The following ZNF765 variants were observed in gnomAD, a reference collection of about 807,000 sequenced individuals.
ZNF765 encodes zinc finger protein 765.
ZNF765 carries 37 observed loss-of-function variants against 44.7 expected under a neutral mutation model. That is an observed-to-expected ratio of 0.83 (90% CI 0.64 to 1.09). The LOEUF is 1.09. ZNF765 is among the 50% of genes least tolerant of loss of function. The probability of loss-of-function intolerance (pLI) is 0.00; values close to 1 mark genes in which losing one functional copy is unlikely to be tolerated. For synonymous variants in ZNF765, 201 were observed against 213.7 expected (o/e 0.94, Z 0.52); for missense variants, 594 against 626.1 (o/e 0.95, Z 0.55).
At chr19:53,419,541 G>C (rs981566352) in intron 3 of ZNF765, among the ~76,000 whole-genome samples, 2 of 152,178 alleles carry the variant, frequency 1.3e-5, no homozygotes, top group African/African-American at 2.4e-5. Context: ...TGTCAGTCTT[G>C]AATTGTAATG....
At chr19:53,404,620 T>G (rs2085758168) in intron 3 of ZNF765, among the ~76,000 whole-genome samples, 1 of 146,106 alleles carries the variant, frequency 6.8e-6, no homozygotes, top group Admixed American at 6.7e-5. Flanking sequence ...ACCTGGCTAA[T>G]GTGTGTGTGT....
chr19:53,407,561 C>T (rs562095062), intron 3 of ZNF765, 137 bp from the exon 4 acceptor site: 148 of 557,198 alleles, frequency 2.7e-4, no homozygotes, highest in Admixed American at 1.9e-3. Flanking sequence ...GAATCTTATG[C>T]TTTTCTGTTC....
In ZNF765 at chr19:53,408,465, T is replaced by C; in HGVS notation, c.910T>C (p.Cys304Arg). Reference protein sequence around the residue: ...TGEKPYKCEECDKAFHFKSKL... With the variant: ...TGEKPYKCEERDKAFHFKSKL... ...AGAGAAACCTTACAAATGTGAAGAATGTGACAAAGCTTTCCATTTCAAATC... is the reference window on the plus strand; with the variant it reads ...AGAGAAACCTTACAAATGTGAAGAACGTGACAAAGCTTTCCATTTCAAATC... The change falls in exon 4 of 4, where the codon TGT becomes CGT. Residue 304 changes from cysteine to arginine, a missense_variant. This residue lies in a region of ZNF765 where 567 missense variants were observed against 572.6 expected (regional missense o/e 0.99). Transcript: ENST00000396408. 6.2e-7 allele frequency: 1 copy of C among 1,613,772 alleles called. No homozygotes were observed. Among genetic ancestry groups the C allele is most frequent in the African/African-American group, 1.3e-5 (1 of 74,988 alleles).
At chr19:53,420,701 T>A (rs1600068002) in intron 3 of ZNF765, among the ~76,000 whole-genome samples, 2 of 152,178 alleles carry the variant, frequency 1.3e-5, no homozygotes, top group East Asian at 3.9e-4. Flanking sequence ...CTGTGTTGAC[T>A]CAAGGTTTAA....
Position 53,408,580 on chromosome 19 carries a change from T to A in ZNF765, c.1025T>A (p.Leu342His), listed in dbSNP as rs1381316786. ...CGKTFSQKSYLTCHRRLHTGE... is the reference protein window; with the variant it reads ...CGKTFSQKSYHTCHRRLHTGE... ...AAGACCTTTAGTCAGAAGTCGTACCTTACATGCCATCGTAGGCTTCATACT... is the reference window on the plus strand; with the variant it reads ...AAGACCTTTAGTCAGAAGTCGTACCATACATGCCATCGTAGGCTTCATACT... Residue 342 changes from leucine to histidine, a missense_variant, in exon 4 of 4, where the codon CTT becomes CAT. Around this residue, in one of 2 missense-constraint regions of ZNF765, gnomAD observed 567 missense variants for 572.6 expected, o/e 0.99. Coordinates refer to ENST00000396408, the MANE Select transcript of ZNF765 (RefSeq NM_001040185.3). The A allele has an allele frequency of 1.2e-6, 2 of 1,613,858 alleles. No homozygotes were observed. Among genetic ancestry groups the A allele is most frequent in the Non-Finnish European group, 1.7e-6 (2 of 1,179,852 alleles).
downstream of ZNF765, among the ~76,000 whole-genome samples, chr19:53,414,251 A>AAAAAAAC (rs1224243369): frequency 6.7e-6 from 1 of 150,108 alleles, no homozygotes; most frequent in African/African-American, 2.4e-5. Flanking sequence ...AAAAAAAAAA[A>AAAAAAAC]AAAGAAACTT....
downstream of ZNF765, among the ~76,000 whole-genome samples, chr19:53,413,930 C>CAAAAAA (rs386389261): frequency 5.1e-3 from 403 of 79,732 alleles, 25 homozygotes; most frequent in South Asian, 9.0e-3. Context: ...GCTAGAAAGA[C>CAAAAAA]AAAAAAAAAA....
At chr19:53,402,249 T>A (rs1480395618) in intron 3 of ZNF765, 58 bp downstream of exon 3, 1 of 20,204 alleles carries the variant, frequency 4.9e-5, no homozygotes, top group Non-Finnish European at 1.0e-4. Flanking sequence ...TTTTCTCTCC[T>A]TTTTTTTTTT....
chr19:53,403,117 T>C (rs2085743962), intron 3 of ZNF765, among the ~76,000 whole-genome samples: 1 of 151,232 alleles, frequency 6.6e-6, no homozygotes, highest in Admixed American at 6.6e-5. Flanking sequence ...GAGCCAAGAT[T>C]GCCACTGCAC....
Position 53,411,074 on chromosome 19 carries a change from G to A in ZNF765, c.*1947G>A, listed in dbSNP as rs934266027. On this transcript the variant is annotated 3_prime_UTR_variant, in exon 4 of 4. Transcript: ENST00000396408. ...ACTAGAGTCAGTTCAGCATTGACTT[G>A]AGTTTGACTTAACATTGAGTTGAAG... 1 of 269,350 alleles carries A rather than the reference G, an allele frequency of 3.7e-6. No individual in the cohort carries two copies. Among genetic ancestry groups the A allele is most frequent in the African/African-American group, 2.3e-5 (1 of 44,064 alleles). 16.7% of individuals were successfully genotyped at this position (269,350 alleles called of 1,614,324 possible).
chr19:53,424,531 A>G (rs913764459), exon 4 of ZNF765: 3 of 152,120 alleles, frequency 2.0e-5, no homozygotes, highest in Non-Finnish European at 4.4e-5. Context: ...GCTGAGACAG[A>G]TATGACTTTG....
intron 3 of ZNF765, among the ~76,000 whole-genome samples, chr19:53,421,555 C>T (rs985419276): frequency 6.6e-6 from 1 of 152,094 alleles, no homozygotes; most frequent in East Asian, 1.9e-4. Context: ...ACTCTTGTTA[C>T]CCGGGCTGGA....
intron 2 of ZNF765, among the ~76,000 whole-genome samples, chr19:53,401,270 T>C (rs1285125841): frequency 6.6e-6 from 1 of 152,080 alleles, no homozygotes; most frequent in Non-Finnish European, 1.5e-5. Context: ...GGTGTGTCAA[T>C]AAATGTTTCT....
chr19:53,421,300 T>C (rs1285822869), intron 3 of ZNF765, among the ~76,000 whole-genome samples: 1 of 152,118 alleles, frequency 6.6e-6, no homozygotes, highest in Non-Finnish European at 1.5e-5. Context: ...ATGGTAGAGA[T>C]AGTGATCAAC....
chr19:53,397,732 C>T (rs1246109692), intron 1 of ZNF765, among the ~76,000 whole-genome samples: 2 of 151,886 alleles, frequency 1.3e-5, no homozygotes, highest in Non-Finnish European at 2.9e-5. Flanking sequence ...GGGAGCTCAT[C>T]CCACCCCAGC....
intron 3 of ZNF765, among the ~76,000 whole-genome samples, chr19:53,417,930 C>T (rs145290696): frequency 0.014 from 2,095 of 152,130 alleles, 22 homozygotes; most frequent in Non-Finnish European, 0.023. Flanking sequence ...GCGTTCAGTC[C>T]CTGATGTACC....
At chr19:53,417,186 C>T (rs774814323) in intron 3 of ZNF765, among the ~76,000 whole-genome samples, 2 of 152,142 alleles carry the variant, frequency 1.3e-5, no homozygotes, top group African/African-American at 4.8e-5. Flanking sequence ...CATAGGTAAA[C>T]GTGTGTCATG....
chr19:53,409,121 C>T lies in ZNF765; in HGVS notation c.1566C>T (p.His522=), dbSNP rs146474834. 38 of 1,605,846 alleles carry T rather than the reference C, an allele frequency of 2.4e-5. No individual in the cohort carries two copies. In the East Asian group the frequency reaches 2.9e-4, roughly 12 times the overall value. Residue 522 remains histidine, a synonymous_variant, in exon 4 of 4, where the codon CAC becomes CAT. Coordinates refer to ENST00000396408, the MANE Select transcript of ZNF765 (RefSeq NM_001040185.3). ...GAATTTATACTGGAGAGAAACTACA[C>T]GTGTAATGAGTGTGGTAAGACCTTC... ...HRRIYTGEKL[H]V is the part of the protein sequence containing the mutation.
At chr19:53,413,608 T>G (rs1488157233), downstream of ZNF765, among the ~76,000 whole-genome samples, 1 of 150,732 alleles carries the variant, frequency 6.6e-6, no homozygotes, top group Non-Finnish European at 1.5e-5. Flanking sequence ...AGGTTTTTTT[T>G]TTTTTTTTTT....
Sources: gnomAD v4.1 joint callset for allele counts (sites outside exome capture counted in the v4.1 genomes callset) on GRCh38, gnomAD v4.1.1 for gene constraint, gnomAD v4.1.1 regional missense constraint, MANE v1.5 for transcripts, NCBI Gene and HGNC (gene_info 2026-07-23, HGNC 2026-07-21) for gene names.